Variants in PTAR1 observed in about 807,000 individuals in gnomAD.
PTAR1 encodes the protein protein prenyltransferase alpha subunit repeat containing 1, also known as protein prenyltransferase alpha subunit repeat-containing protein 1.
A neutral mutation model predicts 45.5 loss-of-function variants in PTAR1; 17 were observed. The ratio of observed to expected loss-of-function variants is 0.37; its 90% CI spans 0.26 to 0.56. The LOEUF (loss-of-function observed/expected upper bound fraction) is 0.56, where lower values mean the gene tolerates loss of function less well. PTAR1 is among the 20% of genes least tolerant of loss of function. PTAR1 has a pLI of 0.77. For synonymous variants in PTAR1, 169 were observed against 171.3 expected, an observed-to-expected ratio of 0.99 and a Z score of 0.11; for missense variants, 391 against 476.3, an observed-to-expected ratio of 0.82 and a Z score of 1.67.
chr9:69,721,889 C>G (rs114670992), intron 6 of PTAR1, among the ~76,000 whole-genome samples: 2,450 of 151,922 alleles, frequency 0.016, 69 homozygotes, highest in African/African-American at 0.056. Flanking sequence ...TTTATATGTA[C>G]TGGGAAACAA....
chr9:69,725,779 T>G (rs896666647), intron 5 of PTAR1, among the ~76,000 whole-genome samples: 1 of 152,054 alleles, frequency 6.6e-6, no homozygotes, highest in African/African-American at 2.4e-5. Flanking sequence ...AGGCAATGAT[T>G]TTTTTAAAAA....
In PTAR1 at chr9:69,717,293, T is replaced by C; in HGVS notation, c.*1049A>G. 6.6e-6 allele frequency: 1 copy of C among 152,098 alleles called. No homozygotes were observed. Among genetic ancestry groups the C allele is most frequent in the East Asian group, 1.9e-4 (1 of 5,200 alleles). 9.4% of individuals were successfully genotyped at this position (152,098 alleles called of 1,614,324 possible). A position where few individuals can be genotyped will look rare whatever the true frequency, so the allele number is the denominator to read the frequency against. ...CTATTTCTTTATATATTTCTCCCAT[T>C]TGTCATAAGTGAATTTGAAATTAAA... is the stretch of plus-strand genomic sequence containing the variant. On this transcript the variant is annotated 3_prime_UTR_variant, in exon 8 of 8. Transcript: ENST00000340434.
At chr9:69,743,000 T>C (rs1027107286) in intron 2 of PTAR1, among the ~76,000 whole-genome samples, 7 of 152,122 alleles carry the variant, frequency 4.6e-5, no homozygotes, top group Non-Finnish European at 1.0e-4. Flanking sequence ...AGGATTAAGG[T>C]TATCTATCTA....
At chr9:69,756,013 C>T (rs1826759371) in intron 1 of PTAR1, among the ~76,000 whole-genome samples, 1 of 152,112 alleles carries the variant, frequency 6.6e-6, no homozygotes, top group Admixed American at 6.6e-5. Context: ...CAAGCAAAGA[C>T]TCAAATCCAG....
intron 2 of PTAR1, among the ~76,000 whole-genome samples, chr9:69,746,721 A>T (rs1390471588): frequency 2.0e-5 from 3 of 152,332 alleles, no homozygotes; most frequent in East Asian, 3.9e-4. Context: ...ATCAGGGCAC[A>T]TTATACATAG....
Position 69,718,286 on chromosome 9 carries a change from T to C in PTAR1, c.*56A>G. On this transcript the variant is annotated 3_prime_UTR_variant, in exon 8 of 8. Coordinates refer to ENST00000340434, the MANE Select transcript of PTAR1 (RefSeq NM_001099666.2). ...ACAGTTCATGCAACTATGTAAATAA[T>C]AAAAGAAAGCAATATTGCACTAAAA... 4 of 1,246,662 alleles carry C rather than the reference T, an allele frequency of 3.2e-6. No homozygotes were observed. Among genetic ancestry groups the C allele is most frequent in the Non-Finnish European group, 4.5e-6 (4 of 897,548 alleles). 77.2% of individuals were successfully genotyped at this position (1,246,662 alleles called of 1,614,324 possible). A position where few individuals can be genotyped will look rare whatever the true frequency, so the allele number is the denominator to read the frequency against.
intron 6 of PTAR1, 55 bp from the exon 7 acceptor site, chr9:69,718,739 C>A: frequency 7.2e-7 from 1 of 1,395,768 alleles, no homozygotes; most frequent in African/African-American, 1.4e-5. Flanking sequence ...CAAAGTCAAG[C>A]TTTTCCAGAA....
At position 69,710,482 on chromosome 9, in the gene PTAR1, G is replaced by A. The variant is rs956944202; in HGVS notation, c.*7860C>T. 2 of 151,934 alleles carry A rather than the reference G, an allele frequency of 1.3e-5. No individual in the cohort carries two copies. The highest frequency in any genetic ancestry group is 4.8e-5 in the African/African-American group (2 of 41,348). The allele number at this position is 151,934 out of a possible 1,614,324, so 9.4% of individuals were successfully genotyped here. A position where few individuals can be genotyped will look rare whatever the true frequency, so the allele number is the denominator to read the frequency against. On this transcript the variant is annotated 3_prime_UTR_variant, in exon 8 of 8. Transcript: ENST00000340434. ...TAGATAATCTACAGTCATTACATTA[G>A]CCTTAGAATTTAGCATCATACTTTT...
chr9:69,723,565 T>G lies in PTAR1; in HGVS notation c.708A>C (p.Gly236=). The change falls in exon 6 of 8, where the codon GGA becomes GGC. Residue 236 remains glycine, a synonymous_variant. Transcript: ENST00000340434. ...WASMHVSDHS[G]FHYRQFLLKS... ...TAAGCAAAAACTGGCGGTAGTGAAA[T>G]CCACTGTGGTCTGAAACGTGCATAG... 1 of 1,613,828 alleles carries G rather than the reference T, an allele frequency of 6.2e-7. No homozygotes were observed. Among genetic ancestry groups the G allele is most frequent in the South Asian group, 1.1e-5 (1 of 91,086 alleles).
In PTAR1 at chr9:69,715,480, TA is replaced by T. The variant is rs1250961707; in HGVS notation, c.*2861del. 3.1e-4 allele frequency: 47 copies of T among 152,136 alleles called. 2 individuals are homozygous for T. The highest frequency in any genetic ancestry group is 2.8e-3 in the Admixed American group (43 of 15,250). 9.4% of individuals were successfully genotyped at this position (152,136 alleles called of 1,614,324 possible). A position where few individuals can be genotyped will look rare whatever the true frequency, so the allele number is the denominator to read the frequency against. ...TACACTAAAGTACACTAAGGTACAC[TA>T]AAGGCGGGGTGAAGGTGGTGTTGGA... On this transcript the variant is annotated 3_prime_UTR_variant, in exon 8 of 8. Coordinates refer to ENST00000340434, the MANE Select transcript of PTAR1 (RefSeq NM_001099666.2).
intron 6 of PTAR1, among the ~76,000 whole-genome samples, chr9:69,722,175 G>A (rs1194343566): frequency 6.6e-6 from 1 of 152,144 alleles, no homozygotes; most frequent in African/African-American, 2.4e-5. Flanking sequence ...GACTAGACTG[G>A]AGAAAGAAAG....
At chr9:69,719,499 T>C (rs1178134853) in intron 6 of PTAR1, among the ~76,000 whole-genome samples, 2 of 152,310 alleles carry the variant, frequency 1.3e-5, no homozygotes, top group East Asian at 3.9e-4. Context: ...GAGAATTCTA[T>C]TCATTTTCCT....
At chr9:69,741,967 T>G in intron 2 of PTAR1, 109 bp from the exon 3 acceptor site, 1 of 671,088 alleles carries the variant, frequency 1.5e-6, no homozygotes, top group Non-Finnish European at 2.6e-6. Context: ...CTAATATATC[T>G]CTCATGTCAT....
At chr9:69,747,177 TA>T (rs1454723742) in intron 2 of PTAR1, among the ~76,000 whole-genome samples, 1 of 152,226 alleles carries the variant, frequency 6.6e-6, no homozygotes, top group African/African-American at 2.4e-5. Context: ...CTTTTCCTAA[TA>T]AACTCACATT....
rs1824753721 is a variant in PTAR1, at chr9:69,717,012, G to C, written c.*1330C>G. ...AATATAAGAAAGCAGACATTACATG[G>C]CCCATTCCCCACCCTCATCCCACCT... On this transcript the variant is annotated 3_prime_UTR_variant, in exon 8 of 8. Transcript: ENST00000340434. 6.6e-6 allele frequency: 1 copy of C among 152,088 alleles called. No homozygotes were observed. The highest frequency in any genetic ancestry group is 1.5e-5 in the Non-Finnish European group (1 of 68,004). The allele number at this position is 152,088 out of a possible 1,614,324, so 9.4% of individuals were successfully genotyped here.
At chr9:69,746,341 G>A (rs546034915) in intron 2 of PTAR1, among the ~76,000 whole-genome samples, 1 of 152,212 alleles carries the variant, frequency 6.6e-6, no homozygotes, top group East Asian at 1.9e-4. Flanking sequence ...TCATTGCTAA[G>A]TGACTTCAGT....
intron 2 of PTAR1, among the ~76,000 whole-genome samples, chr9:69,747,705 C>T (rs1588479639): frequency 6.6e-6 from 1 of 152,118 alleles, no homozygotes; most frequent in Admixed American, 6.6e-5. Context: ...AAGTTGTATA[C>T]TCAACCAAGC....
At chr9:69,721,150 A>G (rs747517984) in intron 6 of PTAR1, among the ~76,000 whole-genome samples, 10 of 152,226 alleles carry the variant, frequency 6.6e-5, no homozygotes, top group Non-Finnish European at 1.0e-4. Context: ...TTTAGATGCC[A>G]TTAAGAACGT....
At chr9:69,749,161 A>C (rs1447903152) in intron 2 of PTAR1, among the ~76,000 whole-genome samples, 2 of 152,184 alleles carry the variant, frequency 1.3e-5, no homozygotes, top group Non-Finnish European at 2.9e-5. Flanking sequence ...AGAAGGACAA[A>C]AACAGAGAAA....
Sources: gnomAD v4.1 joint callset for allele counts (sites outside exome capture counted in the v4.1 genomes callset) on GRCh38, gnomAD v4.1.1 for gene constraint, MANE v1.5 for transcripts, NCBI Gene and HGNC (gene_info 2026-07-23, HGNC 2026-07-21) for gene names.